FGF12: variants seen among roughly 807,000 people sequenced by gnomAD.
FGF12 encodes fibroblast growth factor 12, also known as fibroblast growth factor 12B.
Under a neutral mutation model 23.6 loss-of-function variants are expected in FGF12, and 14 were observed. That is an observed-to-expected ratio of 0.59 (90% CI 0.39 to 0.93). The LOEUF (loss-of-function observed/expected upper bound fraction) is 0.93. Among genes scored for constraint, FGF12 ranks in the 40% least tolerant of loss-of-function variants. The probability of loss-of-function intolerance (pLI) is 0.00; values close to 1 mark genes in which losing one functional copy is unlikely to be tolerated. For synonymous variants in FGF12, 62 were observed against 77.3 expected (o/e 0.80, Z 1.04); for missense variants, 175 against 217.8 (o/e 0.80, Z 1.24).
intron 2 of FGF12, among the ~76,000 whole-genome samples, chr3:192,543,410 A>G (rs1725421453): frequency 1.3e-5 from 2 of 151,956 alleles, no homozygotes. Flanking sequence ...GGACAATGGG[A>G]TCCCCTCTGG....
intron 2 of FGF12, among the ~76,000 whole-genome samples, chr3:192,626,651 C>T (rs1041617507): frequency 6.6e-6 from 1 of 152,150 alleles, no homozygotes; most frequent in Admixed American, 6.6e-5. Flanking sequence ...CTTGCTCTGT[C>T]ACCCAGGCTG....
intron 2 of FGF12, among the ~76,000 whole-genome samples, chr3:192,483,619 T>A (rs1710611548): frequency 6.6e-6 from 1 of 152,094 alleles, no homozygotes; most frequent in Non-Finnish European, 1.5e-5. Flanking sequence ...ACAAGCTATT[T>A]GTGTAAATGA....
intron 2 of FGF12, among the ~76,000 whole-genome samples, chr3:192,503,102 T>C (rs1232038870): frequency 6.6e-6 from 1 of 151,778 alleles, no homozygotes; most frequent in East Asian, 1.9e-4. Context: ...AGGATAAATT[T>C]GTGGAATGTA....
At chr3:192,172,560 C>T (rs2108621896) in intron 4 of FGF12, among the ~76,000 whole-genome samples, 1 of 150,894 alleles carries the variant, frequency 6.6e-6, no homozygotes, top group Non-Finnish European at 1.5e-5. Context: ...GAACTACTAG[C>T]TTAAGAATCA....
chr3:192,523,084 C>T (rs1371374534), intron 2 of FGF12, among the ~76,000 whole-genome samples: 1 of 152,086 alleles, frequency 6.6e-6, no homozygotes. Flanking sequence ...ATAAATTTGG[C>T]TTTGATTTTT....
At chr3:192,278,546 G>C (rs1713941719) in intron 4 of FGF12, among the ~76,000 whole-genome samples, 1 of 152,222 alleles carries the variant, frequency 6.6e-6, no homozygotes, top group South Asian at 2.1e-4. Flanking sequence ...AGGAGAATGA[G>C]TGTATAATAC....
chr3:192,572,531 C>T lies in FGF12; in HGVS notation c.13+154650G>A, dbSNP rs185691695. Among the ~76,000 whole-genome samples, 237 of 152,136 alleles carry T rather than the reference C, an allele frequency of 1.6e-3. 1 individual carries two copies. Among genetic ancestry groups the T allele is most frequent in the African/African-American group, 5.4e-3 (226 of 41,492 alleles). On this transcript the variant is annotated intron_variant, in intron 2 of 5. Transcript: ENST00000445105. ...AAGTTTTGTAGTGACACAAACAGAACAAAACAAACAAAACTCAAAGGAATG... is the reference window on the plus strand; with the variant it reads ...AAGTTTTGTAGTGACACAAACAGAATAAAACAAACAAAACTCAAAGGAATG...
chr3:192,332,755 G>C (rs1717188767), intron 4 of FGF12, among the ~76,000 whole-genome samples: 1 of 152,064 alleles, frequency 6.6e-6, no homozygotes, highest in South Asian at 2.1e-4. Flanking sequence ...GGTCCTCTTA[G>C]TTTGCTTCAG....
chr3:192,377,180 T>G (rs1719555059), intron 2 of FGF12, among the ~76,000 whole-genome samples: 1 of 152,184 alleles, frequency 6.6e-6, no homozygotes, highest in Non-Finnish European at 1.5e-5. Flanking sequence ...AGAAAATTTT[T>G]CTAGATCACC....
rs138020645 is a variant in FGF12, at chr3:192,450,065, C to G, written c.14-89527G>C. ...TCTCCTGAGTTGACCACAATTGATA[C>G]ACCATCTTTCAAGATGATGAAATCC... On this transcript the variant is annotated intron_variant, in intron 2 of 5. Transcript: ENST00000445105. Among the ~76,000 whole-genome samples, 266 of 152,248 alleles carry G rather than the reference C, an allele frequency of 1.7e-3. 1 individual carries two copies. In the South Asian group the frequency reaches 0.018, roughly 10 times the overall value.
chr3:192,377,254 A>T lies in FGF12; in HGVS notation c.14-16716T>A, dbSNP rs6776388. ...CCTGCCTCACACGGGTCTGACACCC[A>T]GTCTCCTGTGCCCACATAAAGGTTA... On this transcript the variant is annotated intron_variant, in intron 2 of 5. Coordinates refer to ENST00000445105, the MANE Select transcript of FGF12 (RefSeq NM_004113.6). 8.7e-3 allele frequency among the ~76,000 whole-genome samples: 1,321 copies of T among 152,322 alleles called. 21 individuals carry two copies. The highest frequency in any genetic ancestry group is 0.029 in the African/African-American group (1,222 of 41,558).
chr3:192,372,839 T>C (rs1352219952), intron 2 of FGF12, among the ~76,000 whole-genome samples: 2 of 152,174 alleles, frequency 1.3e-5, no homozygotes, highest in Admixed American at 6.5e-5. Context: ...CGGGAGAGCT[T>C]TGCACCATCT....
chr3:192,628,726 CATAT>C (rs1715275328), intron 2 of FGF12, among the ~76,000 whole-genome samples: 1 of 149,168 alleles, frequency 6.7e-6, no homozygotes, highest in African/African-American at 2.5e-5. Context: ...TACATAAATA[CATAT>C]ATACACATAT....
At chr3:192,364,991 G>A (rs1026154078) in intron 2 of FGF12, among the ~76,000 whole-genome samples, 4 of 151,826 alleles carry the variant, frequency 2.6e-5, no homozygotes, top group African/African-American at 9.7e-5. Context: ...TTACCTCTGT[G>A]ATCTTCCTCC....
intron 2 of FGF12, among the ~76,000 whole-genome samples, chr3:192,716,658 A>G (rs1235705605): frequency 1.3e-5 from 2 of 152,236 alleles, no homozygotes; most frequent in African/African-American, 4.8e-5. Flanking sequence ...CCTAAGGGTC[A>G]AATGCTAACA....
intron 2 of FGF12, among the ~76,000 whole-genome samples, chr3:192,548,257 C>G (rs1036224048): frequency 6.6e-6 from 1 of 152,058 alleles, no homozygotes; most frequent in Non-Finnish European, 1.5e-5. Flanking sequence ...TAACATTAAG[C>G]AACTTAAAGT....
chr3:192,159,675 C>G (rs192434678), intron 5 of FGF12, among the ~76,000 whole-genome samples: 3 of 152,286 alleles, frequency 2.0e-5, no homozygotes, highest in Non-Finnish European at 2.9e-5. Flanking sequence ...GAACCTAGGG[C>G]AGTGGTTGTC....
At chr3:192,380,103 A>G (rs539056676) in intron 2 of FGF12, among the ~76,000 whole-genome samples, 111 of 152,330 alleles carry the variant, frequency 7.3e-4, no homozygotes, top group African/African-American at 2.6e-3. Context: ...GAAATCTCTA[A>G]GAACACTAAA....
intron 4 of FGF12, among the ~76,000 whole-genome samples, chr3:192,320,594 G>A (rs1037027066): frequency 6.6e-6 from 1 of 152,048 alleles, no homozygotes; most frequent in African/African-American, 2.4e-5. Context: ...AAAAAACTGA[G>A]ATAGTATCAA....
Sources: allele counts gnomAD v4.1 joint callset (sites outside exome capture counted in the v4.1 genomes callset), GRCh38; gene constraint gnomAD v4.1.1; transcripts MANE v1.5; gene names NCBI Gene and HGNC (gene_info 2026-07-23, HGNC 2026-07-21).